The following UPF2 variants were observed in gnomAD, a reference collection of about 807,000 sequenced individuals.
UPF2 encodes regulator of nonsense transcripts 2.
UPF2 carries 17 observed loss-of-function variants against 141.4 expected under a neutral mutation model. That is an observed-to-expected ratio of 0.12 (90% CI 0.08 to 0.18). The LOEUF (loss-of-function observed/expected upper bound fraction) is 0.18, where lower values mean the gene tolerates loss of function less well. UPF2 is among the 10% of genes least tolerant of loss of function. The pLI, the probability that UPF2 is intolerant of heterozygous loss-of-function variation, is 1.00. For synonymous variants in UPF2, 540 were observed against 498.0 expected (o/e 1.08, Z -1.12); for missense variants, 1,152 against 1,515.9 (o/e 0.76, Z 3.99).
intron 15 of UPF2, among the ~76,000 whole-genome samples, chr10:11,949,662 G>C (rs1285415079): frequency 6.6e-6 from 1 of 152,150 alleles, no homozygotes; most frequent in Admixed American, 6.5e-5. Context: ...TTCATGCATA[G>C]AATCTTAGAG....
In UPF2 at chr10:12,020,321, G is replaced by A. The variant is rs1001273640; in HGVS notation, c.1146-6137C>T. On this transcript the variant is annotated intron_variant, in intron 3 of 21. Coordinates refer to ENST00000357604, the MANE Select transcript of UPF2 (RefSeq NM_015542.4). Reference sequence around the variant, plus strand: ...GGCTGGAGTGCAATGGCGCAATCTCGGCTCACCGCAACCTCTGCCTCCCGG... The same window carrying A: ...GGCTGGAGTGCAATGGCGCAATCTCAGCTCACCGCAACCTCTGCCTCCCGG... Among the ~76,000 whole-genome samples the A allele has an allele frequency of 1.1e-4, 16 of 150,954 alleles. No homozygotes were observed. In the East Asian group the frequency reaches 1.4e-3, roughly 13 times the overall value.
chr10:11,943,966 C>T (rs1221744961), intron 16 of UPF2, among the ~76,000 whole-genome samples: 2 of 150,242 alleles, frequency 1.3e-5, no homozygotes, highest in Admixed American at 6.7e-5. Flanking sequence ...TATCCCAAGT[C>T]ACCCCCGCAT....
chr10:11,968,995 C>T (rs939963974), intron 9 of UPF2, among the ~76,000 whole-genome samples: 3 of 151,312 alleles, frequency 2.0e-5, no homozygotes, highest in East Asian at 2.0e-4. Context: ...CGAGTAGCTG[C>T]GATTACAGGT....
chr10:12,002,415 T>G (rs1327894447), intron 5 of UPF2, among the ~76,000 whole-genome samples: 3 of 152,124 alleles, frequency 2.0e-5, no homozygotes, highest in Non-Finnish European at 2.9e-5. Flanking sequence ...TGAGGATCTA[T>G]CTATGCTAAA....
At chr10:11,922,793 G>GA (rs1256150842) in intron 21 of UPF2, among the ~76,000 whole-genome samples, 1 of 151,946 alleles carries the variant, frequency 6.6e-6, no homozygotes, top group African/African-American at 2.4e-5. Context: ...AAAATCTGAT[G>GA]AAAAAATGCA....
In UPF2 at chr10:12,042,219, C is replaced by T. The variant is rs1469064621; in HGVS notation, c.-19+536G>A. 6.6e-6 allele frequency among the ~76,000 whole-genome samples: 1 copy of T among 151,948 alleles called. No individual in the cohort carries two copies. The highest frequency in any genetic ancestry group is 6.6e-5 in the Admixed American group (1 of 15,230). On this transcript the variant is annotated intron_variant, in intron 1 of 21. Coordinates refer to ENST00000357604, the MANE Select transcript of UPF2 (RefSeq NM_015542.4). The surrounding 1 kb of genome is among the most constrained non-coding windows in gnomAD (Gnocchi z 5.5). ...CCACCACACTTCCCCGACACAACTC[C>T]CCTTCCCACAGGTATCCACGGTCAC...
chr10:11,997,841 T>C, intron 7 of UPF2, 84 bp from the exon 8 acceptor site: 7 of 1,334,142 alleles, frequency 5.2e-6, no homozygotes, highest in South Asian at 3.6e-5. Flanking sequence ...GATATTTTTA[T>C]TTGTTCTTAA....
intron 10 of UPF2, among the ~76,000 whole-genome samples, chr10:11,965,054 CA>C (rs778456682): frequency 6.6e-6 from 1 of 152,146 alleles, no homozygotes; most frequent in Admixed American, 6.5e-5. Flanking sequence ...CAATGGTACT[CA>C]AAAAGTTTTG....
rs776977776 is a variant in UPF2 at position 12,001,855 on chromosome 10, T to C, written c.1505-30A>G. On this transcript the variant is annotated intron_variant, in intron 5 of 21. Coordinates refer to ENST00000357604, the MANE Select transcript of UPF2 (RefSeq NM_015542.4). ...TGAAAAACAAACAAGTATACCTAAA[T>C]TCAAAGTCATATGAAAATCCTGCTG... 5 of 1,541,786 alleles carry C rather than the reference T, an allele frequency of 3.2e-6. No individual in the cohort carries two copies. The South Asian group carries it at 3.7e-5, about 12-fold the overall frequency.
intron 4 of UPF2, among the ~76,000 whole-genome samples, chr10:12,013,513 TCCTCCCGCCTCGG>T (rs1313584416): frequency 6.6e-6 from 1 of 152,050 alleles, no homozygotes; most frequent in Non-Finnish European, 1.5e-5. Context: ...GACCTTGTGA[TCCTCCCGCCTCGG>T]CCTCCCAAAG....
chr10:11,961,605 G>A (rs1294117495), intron 11 of UPF2, among the ~76,000 whole-genome samples: 2 of 152,038 alleles, frequency 1.3e-5, no homozygotes, highest in Non-Finnish European at 2.9e-5. Context: ...AGCTTCAAGC[G>A]GTGTTGTGGA....
chr10:12,039,910 T>C (rs1026814744), intron 1 of UPF2, among the ~76,000 whole-genome samples: 30 of 152,176 alleles, frequency 2.0e-4, no homozygotes, highest in African/African-American at 7.2e-4. Context: ...CATGAGCCAC[T>C]GTGGCTGGCA....
Position 11,991,648 on chromosome 10 carries a change from C to T in UPF2, c.1844+6024G>A, listed in dbSNP as rs1023378064. Reference sequence around the variant, plus strand: ...AGAGAGGAAAAAAAAAAGGCCAGCTCGCCTAGATTTCAACACAGTAATGGC... The same window carrying T: ...AGAGAGGAAAAAAAAAAGGCCAGCTTGCCTAGATTTCAACACAGTAATGGC... On this transcript the variant is annotated intron_variant, in intron 8 of 21. Coordinates refer to ENST00000357604, the MANE Select transcript of UPF2 (RefSeq NM_015542.4). Among the ~76,000 whole-genome samples, 5 of 152,132 alleles carry T rather than the reference C, an allele frequency of 3.3e-5. No homozygotes were observed. The South Asian group carries it at 6.2e-4, about 19-fold the overall frequency.
intron 4 of UPF2, among the ~76,000 whole-genome samples, chr10:12,009,680 G>T (rs915262842): frequency 2.0e-5 from 3 of 152,202 alleles, no homozygotes; most frequent in African/African-American, 7.2e-5. Context: ...CCAAGTAAGA[G>T]AGAAGCCAGG....
chr10:12,030,255 G>A (rs1042954578), intron 2 of UPF2, among the ~76,000 whole-genome samples: 3 of 152,088 alleles, frequency 2.0e-5, no homozygotes, highest in Admixed American at 6.5e-5. Flanking sequence ...ATTATTTAAA[G>A]AATTAGCACT....
intron 12 of UPF2, among the ~76,000 whole-genome samples, chr10:11,957,012 G>A (rs915603962): frequency 6.6e-6 from 1 of 152,184 alleles, no homozygotes; most frequent in Admixed American, 6.5e-5. Context: ...GTAGAGGCGA[G>A]ATCTTCCTAT....
chr10:11,947,142 C>T lies in UPF2; in HGVS notation c.3174+1227G>A, dbSNP rs115347377. ...ACTTGAACTACGGAGGTGGAGACTA[C>T]GGTGAGCCGAGATCATGCCACTGCA... On this transcript the variant is annotated intron_variant, in intron 16 of 21. Coordinates refer to ENST00000357604, the MANE Select transcript of UPF2 (RefSeq NM_015542.4). 3.8e-3 allele frequency among the ~76,000 whole-genome samples: 576 copies of T among 152,282 alleles called. 5 individuals are homozygous for T. Among genetic ancestry groups the T allele is most frequent in the African/African-American group, 0.013 (533 of 41,560 alleles).
At chr10:12,033,327 A>T (rs1275372019) in intron 2 of UPF2, among the ~76,000 whole-genome samples, 1 of 152,102 alleles carries the variant, frequency 6.6e-6, no homozygotes, top group African/African-American at 2.4e-5. Flanking sequence ...CTTGAGTCCA[A>T]GAGTTCAAGA....
At chr10:12,026,667 T>C (rs1009736833) in intron 3 of UPF2, 5 of 449,130 alleles carry the variant, frequency 1.1e-5, no homozygotes, top group Non-Finnish European at 2.2e-5. Context: ...TTTTTTTTTT[T>C]AGGACGAAGT....
Sources: allele counts gnomAD v4.1 joint callset (sites outside exome capture counted in the v4.1 genomes callset), GRCh38; gene constraint gnomAD v4.1.1; non-coding constraint Gnocchi (gnomAD v3.1); transcripts MANE v1.5; gene names NCBI Gene and HGNC (gene_info 2026-07-23, HGNC 2026-07-21).